Variants in SLC3A1 observed in about 807,000 individuals in gnomAD.
SLC3A1 encodes the protein solute carrier family 3 member 1.
A neutral mutation model predicts 60.3 loss-of-function variants in SLC3A1; 78 were observed. That is an observed-to-expected ratio of 1.29 (90% CI 1.08 to 1.56). The LOEUF is 1.56. Among genes scored for constraint, SLC3A1 ranks in the 40% most tolerant of loss-of-function variants. The pLI is 0.00. For synonymous variants in SLC3A1, 392 were observed against 307.9 expected (o/e 1.27, Z -2.86); for missense variants, 1,172 against 858.9 (o/e 1.36, Z -4.56).
chr2:44,285,522 C>T (rs375601096), intron 3 of SLC3A1: 8 of 382,630 alleles, frequency 2.1e-5, no homozygotes, highest in African/African-American at 1.5e-4. Flanking sequence ...TTGCTGAGTA[C>T]CAACACTTGA....
intron 3 of SLC3A1, among the ~76,000 whole-genome samples, chr2:44,282,988 C>CGT (rs1238696559): frequency 6.6e-6 from 1 of 152,078 alleles, no homozygotes; most frequent in Non-Finnish European, 1.5e-5. Flanking sequence ...CAACAATATG[C>CGT]GTGTTGATCT....
chr2:44,287,618 G>C (rs1379908135), intron 4 of SLC3A1, among the ~76,000 whole-genome samples: 1 of 152,216 alleles, frequency 6.6e-6, no homozygotes, highest in African/African-American at 2.4e-5. Context: ...ATGCTGGAGT[G>C]AAATGGGTTA....
At chr2:44,297,946 T>C (rs115009447) in intron 4 of SLC3A1, among the ~76,000 whole-genome samples, 181 of 152,308 alleles carry the variant, frequency 1.2e-3, no homozygotes, top group Non-Finnish European at 1.9e-3. Context: ...TGTCAGCACA[T>C]TGTTCCTTTC....
intron 7 of SLC3A1, 48 bp downstream of exon 7, chr2:44,304,386 G>A (rs1043569314): frequency 7.0e-7 from 1 of 1,426,140 alleles, no homozygotes; most frequent in Admixed American, 1.7e-5. Context: ...TGTTGCCTTT[G>A]CTGTCCAGTT....
At chr2:44,293,751 C>A (rs572390262) in intron 4 of SLC3A1, among the ~76,000 whole-genome samples, 31 of 152,074 alleles carry the variant, frequency 2.0e-4, no homozygotes, top group Non-Finnish European at 3.4e-4. Flanking sequence ...AAAGAAAAAT[C>A]CAAGGGAGCC....
chr2:44,281,047 T>G (rs1644471484), intron 2 of SLC3A1, 152 bp downstream of exon 2: 1 of 683,158 alleles, frequency 1.5e-6, no homozygotes, highest in Admixed American at 2.6e-5. Context: ...TCCCGCTTTC[T>G]CTTTCTTCCT....
chr2:44,300,044 C>A lies in SLC3A1; in HGVS notation c.965C>A (p.Ala322Glu), dbSNP rs754925350. The change falls in exon 5 of 10, where the codon GCA (alanine) becomes GAA (glutamate). Residue 322 changes from alanine (A) to glutamate (E), a missense_variant. Transcript: ENST00000260649. ...GATGCTGTTAAATTCCTCCTAGAAGCAAAGCACCTGAGAGATGAGATCCAA... is the reference window on the plus strand; with the variant it reads ...GATGCTGTTAAATTCCTCCTAGAAGAAAAGCACCTGAGAGATGAGATCCAA... Reference protein sequence around the residue: ...SLDAVKFLLEAKHLRDEIQVN... With the variant: ...SLDAVKFLLEEKHLRDEIQVN... 6.2e-7 allele frequency: 1 copy of A among 1,613,560 alleles called. No individual in the cohort carries two copies. The highest frequency in any genetic ancestry group is 1.7e-5 in the Admixed American group (1 of 59,998).
chr2:44,293,641 AGCAG>A, intron 4 of SLC3A1, among the ~76,000 whole-genome samples: 1 of 152,232 alleles, frequency 6.6e-6, no homozygotes, highest in Non-Finnish European at 1.5e-5. Flanking sequence ...TGGTGAGAGA[AGCAG>A]GCTGGGTAAG....
chr2:44,314,858 TGTAGGAAGTCCTACA>T (rs1672387656), intron 9 of SLC3A1: 1 of 151,702 alleles, frequency 6.6e-6, no homozygotes, highest in Non-Finnish European at 1.5e-5. Flanking sequence ...GAATACAGTA[TGTAGGAAGTCCTACA>T]TAAAAATGCA....
rs1381479829 is a variant in SLC3A1 at position 44,305,449 on chromosome 2, G to A, written c.1332+1111G>A. On this transcript the variant is annotated intron_variant, in intron 7 of 9. Transcript: ENST00000260649. ...TTACTTTTTTTTTTTTTTTTTTTGAGACGGAGCCTCCCTCTGTTGCCCAGG... is the reference window on the plus strand; with the variant it reads ...TTACTTTTTTTTTTTTTTTTTTTGAAACGGAGCCTCCCTCTGTTGCCCAGG... Among the ~76,000 whole-genome samples the A allele has an allele frequency of 2.5e-5, 3 of 120,944 alleles. No individual in the cohort carries two copies. The Admixed American group carries it at 2.9e-4, about 12-fold the overall frequency. The allele number at this position is 120,944 out of a possible 152,430, so 79.3% of individuals were successfully genotyped here. A position where few individuals can be genotyped will look rare whatever the true frequency, so the allele number is the denominator to read the frequency against.
chr2:44,310,633 T>TC (rs1672270790), intron 7 of SLC3A1, among the ~76,000 whole-genome samples: 2 of 152,192 alleles, frequency 1.3e-5, no homozygotes, highest in African/African-American at 4.8e-5. Context: ...TACTTGGAGT[T>TC]CATTGAGGTT....
At chr2:44,300,882 G>C (rs1226040748) in intron 5 of SLC3A1, 121 bp from the exon 6 acceptor site, 1 of 1,102,234 alleles carries the variant, frequency 9.1e-7, no homozygotes, top group Non-Finnish European at 1.4e-6. Context: ...ACAAAACCAT[G>C]TTTGAGTGTG....
In SLC3A1 at chr2:44,280,882, C is replaced by A. The variant is rs1318112597; in HGVS notation, c.597C>A (p.Ala199=). Residue 199 remains alanine (A), a synonymous_variant, in exon 2 of 10, where the codon GCC becomes GCA. Transcript: ENST00000260649. ...TMEDFENLVA[A]IHDKGLKLII... ...AAGATTTTGAGAATCTGGTTGCAGC[C>A]ATACATGATAAAGGTAAGTTGAATG... is the stretch of plus-strand genomic sequence containing the variant. 6 of 1,613,994 alleles carry A rather than the reference C, an allele frequency of 3.7e-6. No individual in the cohort carries two copies. Among genetic ancestry groups the A allele is most frequent in the African/African-American group, 1.3e-5 (1 of 75,030 alleles).
chr2:44,275,639 C>T lies in SLC3A1; in HGVS notation c.104C>T (p.Pro35Leu), dbSNP rs769250365. ...AATGAAGACATTCTGGAGCAGACCCCGGATCCAGGAAGCTCAACAGACAAC... is the reference window on the plus strand; with the variant it reads ...AATGAAGACATTCTGGAGCAGACCCTGGATCCAGGAAGCTCAACAGACAAC... ...VHNEDILEQT[P>L]DPGSSTDNLK... Residue 35 changes from proline (P) to leucine (L), a missense_variant, in exon 1 of 10, where the codon CCG (proline) becomes CTG (leucine). Pro to Leu is a moderately conservative substitution (Grantham distance 98). Coordinates refer to ENST00000260649, the MANE Select transcript of SLC3A1 (RefSeq NM_000341.4). The T allele has an allele frequency of 1.2e-5, 19 of 1,614,046 alleles. No individual in the cohort carries two copies. The highest frequency in any genetic ancestry group is 4.5e-5 in the East Asian group (2 of 44,878).
chr2:44,278,020 C>T (rs1430870898), intron 1 of SLC3A1, among the ~76,000 whole-genome samples: 3 of 152,106 alleles, frequency 2.0e-5, no homozygotes, highest in Non-Finnish European at 4.4e-5. Flanking sequence ...CCTCATGTTC[C>T]TTTGTGCCTC....
rs767168885 is a variant in SLC3A1, at chr2:44,320,577, T to C, written c.1996T>C (p.Cys666Arg). The C allele has an allele frequency of 6.2e-7, 1 of 1,614,102 alleles. No homozygotes were observed. The highest frequency in any genetic ancestry group is 8.5e-7 in the Non-Finnish European group (1 of 1,179,950). The change falls in exon 10 of 10, where the codon TGC (cysteine) becomes CGC (arginine). Residue 666 changes from cysteine (C) to arginine (R), a missense_variant. By Grantham distance (180) the Cys-to-Arg change is radical. Transcript: ENST00000260649. ...LHRQTAFRDRCFVSNRACYSS... is the reference protein window; with the variant it reads ...LHRQTAFRDRRFVSNRACYSS... ...TCGCCAAACAGCTTTCAGAGATAGATGCTTTGTTTCCAATCGAGCATGCTA... is the reference window on the plus strand; with the variant it reads ...TCGCCAAACAGCTTTCAGAGATAGACGCTTTGTTTCCAATCGAGCATGCTA...
intron 3 of SLC3A1, chr2:44,285,088 A>T (rs1455828501): frequency 6.6e-6 from 1 of 151,972 alleles, no homozygotes; most frequent in Admixed American, 6.6e-5. Context: ...TGCTTTCTTC[A>T]GTTCCTTTTG....
chr2:44,277,581 C>T (rs1361902978), intron 1 of SLC3A1, among the ~76,000 whole-genome samples: 1 of 152,148 alleles, frequency 6.6e-6, no homozygotes, highest in Non-Finnish European at 1.5e-5. Flanking sequence ...TTCTAGCATC[C>T]TTTAATCCTG....
chr2:44,279,730 ATTTTTTTT>A (rs1163326245), intron 1 of SLC3A1, among the ~76,000 whole-genome samples: 6 of 151,198 alleles, frequency 4.0e-5, no homozygotes, highest in Non-Finnish European at 8.9e-5. Context: ...ACATATTGTT[ATTTTTTTT>A]TGTATTTTAA....
Sources: allele counts gnomAD v4.1 joint callset (sites outside exome capture counted in the v4.1 genomes callset), GRCh38; gene constraint gnomAD v4.1.1; transcripts MANE v1.5; gene names NCBI Gene and HGNC (gene_info 2026-07-23, HGNC 2026-07-21).